Variants in IL33 observed in about 807,000 individuals in gnomAD.
The protein encoded by IL33 is interleukin 33.
Under a neutral mutation model 27.3 loss-of-function variants are expected in IL33, and 37 were observed. The observed-to-expected ratio is 1.36, with a 90% CI of 1.04 to 1.78. The LOEUF is 1.78. IL33 is among the 40% of genes most tolerant of loss of function. The pLI, the probability that IL33 is intolerant of heterozygous loss-of-function variation, is 0.00. For synonymous variants in IL33, 132 were observed against 102.9 expected, an observed-to-expected ratio of 1.28 and a Z score of -1.71; for missense variants, 406 against 311.4, an observed-to-expected ratio of 1.30 and a Z score of -2.29.
chr9:6,241,883 C>G (rs1169892294), intron 2 of IL33, 98 bp downstream of exon 2: 1 of 794,334 alleles, frequency 1.3e-6, no homozygotes, highest in Non-Finnish European at 2.0e-6. Context: ...TTATCAAAAT[C>G]TACTAAGAAT....
At chr9:6,223,474 A>G (rs1370078758) in intron 1 of IL33, among the ~76,000 whole-genome samples, 1 of 151,830 alleles carries the variant, frequency 6.6e-6, no homozygotes, top group East Asian at 1.9e-4. Context: ...TTTTTGATAT[A>G]TCATGTTTTT....
chr9:6,217,110 C>T (rs1284639193), intron 1 of IL33, among the ~76,000 whole-genome samples: 1 of 151,656 alleles, frequency 6.6e-6, no homozygotes, highest in African/African-American at 2.4e-5. Flanking sequence ...AAAAATGGTC[C>T]TCGTGTATGC....
chr9:6,257,182 GGACCTAT>G lies in IL33; in HGVS notation c.*1016_*1022del, dbSNP rs1444844335. On this transcript the variant is annotated 3_prime_UTR_variant, in exon 8 of 8. Coordinates refer to ENST00000682010, the MANE Select transcript of IL33 (RefSeq NM_033439.4). ...CATCCCTTCTGACCCTGGCTTCCAG[GGACCTAT>G]GTCTTTTAATACTCACTGTCACATT... The G allele has an allele frequency of 1.3e-5, 2 of 152,026 alleles. No homozygotes were observed. The highest frequency in any genetic ancestry group is 4.8e-5 in the African/African-American group (2 of 41,396). The allele number at this position is 152,026 out of a possible 1,614,324, so 9.4% of individuals were successfully genotyped here.
chr9:6,252,954 G>T lies in IL33; in HGVS notation c.432G>T (p.Glu144Asp), dbSNP rs746988995. 1.3e-6 allele frequency: 2 copies of T among 1,584,508 alleles called. No homozygotes were observed. Among genetic ancestry groups the T allele is most frequent in the East Asian group, 2.2e-5 (1 of 44,530 alleles). ...ITFALEDESY[E>D]IYVEDLKKDE... ...TTGCTTTGGAGGATGAAAGTTATGA[G>T]ATATATGTTGAAGACTTGAAAAAAG... Residue 144 changes from glutamate to aspartate, a missense_variant, in exon 5 of 8, where the codon GAG (glutamate) becomes GAT (aspartate). Transcript: ENST00000682010.
intron 7 of IL33, 44 bp downstream of exon 7, chr9:6,254,597 A>C (rs1816618164): frequency 8.5e-7 from 1 of 1,181,920 alleles, no homozygotes; most frequent in Non-Finnish European, 1.2e-6. Context: ...ATGATTACAG[A>C]ACTGTCATGA....
intron 1 of IL33, among the ~76,000 whole-genome samples, chr9:6,228,711 C>T (rs1289280603): frequency 3.3e-5 from 5 of 151,796 alleles, no homozygotes; most frequent in South Asian, 2.1e-4. Flanking sequence ...AAAATTTAGC[C>T]GAGTGTGGTG....
intron 2 of IL33, 109 bp from the exon 3 acceptor site, chr9:6,250,365 T>C (rs1816276401): frequency 7.9e-7 from 1 of 1,263,014 alleles, no homozygotes; most frequent in African/African-American, 1.5e-5. Context: ...GGATTTCTGA[T>C]AAGATACTGT....
upstream of IL33, among the ~76,000 whole-genome samples, chr9:6,215,229 C>A (rs777672052): frequency 6.6e-6 from 1 of 152,116 alleles, no homozygotes; most frequent in Non-Finnish European, 1.5e-5. Flanking sequence ...CTCATGGGAT[C>A]TATAGTACAG....
chr9:6,239,758 AT>A (rs1819423942), intron 1 of IL33, among the ~76,000 whole-genome samples: 1 of 152,036 alleles, frequency 6.6e-6, no homozygotes, highest in Admixed American at 6.5e-5. Flanking sequence ...CAATGCTATC[AT>A]TCCTTCTGTA....
intron 1 of IL33, among the ~76,000 whole-genome samples, chr9:6,232,166 T>A (rs898477345): frequency 3.3e-5 from 5 of 152,148 alleles, no homozygotes; most frequent in African/African-American, 1.2e-4. Context: ...ATGTAGATAA[T>A]ATGACAATGT....
rs2130484890 is a variant in IL33, at chr9:6,256,224, G to A, written c.*56G>A. ...TACCCAAATGCTACCACTGGAGAAG[G>A]AATGAGAGATAAAGAAAGAGACAGG... On this transcript the variant is annotated 3_prime_UTR_variant, in exon 8 of 8. Coordinates refer to ENST00000682010, the MANE Select transcript of IL33 (RefSeq NM_033439.4). The A allele has an allele frequency of 7.9e-7, 1 of 1,263,620 alleles. No individual in the cohort carries two copies. Among genetic ancestry groups the A allele is most frequent in the Non-Finnish European group, 1.1e-6 (1 of 870,122 alleles). 78.3% of individuals were successfully genotyped at this position (1,263,620 alleles called of 1,614,324 possible).
In IL33 at chr9:6,251,256, A is replaced by C. The variant is rs1216452560; in HGVS notation, c.334A>C (p.Ser112Arg). 1 of 1,613,348 alleles carries C rather than the reference A, an allele frequency of 6.2e-7. No individual in the cohort carries two copies. ...QKYTRALHDS[S>R]ITGISPITEY... ...ATATACTAGAGCACTTCATGATTCAAGTATCACAGGTATGACTGGTTACAG... is the reference window on the plus strand; with the variant it reads ...ATATACTAGAGCACTTCATGATTCACGTATCACAGGTATGACTGGTTACAG... The change falls in exon 4 of 8, where the codon AGT becomes CGT. Residue 112 changes from serine to arginine, a missense_variant. Physicochemically the swap from Ser to Arg is moderately radical, Grantham distance 110. Coordinates refer to ENST00000682010, the MANE Select transcript of IL33 (RefSeq NM_033439.4).
At chr9:6,231,302 C>T (rs1818916548) in intron 1 of IL33, among the ~76,000 whole-genome samples, 1 of 152,218 alleles carries the variant, frequency 6.6e-6, no homozygotes, top group African/African-American at 2.4e-5. Context: ...AACCAAGCTT[C>T]TGTCCCCTTC....
At chr9:6,223,920 T>C (rs1158926398) in intron 1 of IL33, among the ~76,000 whole-genome samples, 3 of 152,136 alleles carry the variant, frequency 2.0e-5, no homozygotes, top group South Asian at 2.1e-4. Flanking sequence ...ATGATCTCTC[T>C]TCATGGGAAA....
chr9:6,226,383 A>G (rs2130137737), intron 1 of IL33, among the ~76,000 whole-genome samples: 1 of 152,158 alleles, frequency 6.6e-6, no homozygotes, highest in East Asian at 1.9e-4. Context: ...ATCTTTCAAC[A>G]ATTCTGGAAT....
rs35375147 is a variant in IL33, at chr9:6,256,078, T to A, written c.723T>A (p.Gly241=). ...ECKTDPGVFI[G]VKDNHLALIK... The stretch of plus-strand genomic sequence containing the variant: ...AGACTGATCCTGGAGTGTTTATAGG[T>A]GTAAAGGATAATCATCTTGCTCTGA... Residue 241 remains glycine, a synonymous_variant, in exon 8 of 8, where the codon GGT becomes GGA. Transcript: ENST00000682010. 4,059 of 1,613,072 alleles carry A rather than the reference T, an allele frequency of 2.5e-3. 10 individuals carry two copies. The highest frequency in any genetic ancestry group is 3.3e-3 in the Non-Finnish European group (3,878 of 1,179,114).
intron 7 of IL33, 141 bp downstream of exon 7, chr9:6,254,694 A>C (rs7857724): frequency 0.57 from 226,555 of 395,050 alleles, 68,355 homozygotes; most frequent in Non-Finnish European, 0.64. Flanking sequence ...AAGCACAATC[A>C]CTTACTACAA....
At position 6,251,282 on chromosome 9, in the gene IL33, G is replaced by T. The variant is rs1251180061; in HGVS notation, c.343+17G>T. On this transcript the variant is annotated intron_variant, in intron 4 of 7. Coordinates refer to ENST00000682010, the MANE Select transcript of IL33 (RefSeq NM_033439.4). ...GTATCACAGGTATGACTGGTTACAG[G>T]GGTGATGTGGGAGTGAGGAGGGAGG... is the stretch of plus-strand genomic sequence containing the variant. 3 of 1,611,776 alleles carry T rather than the reference G, an allele frequency of 1.9e-6. No individual in the cohort carries two copies.
At chr9:6,248,961 A>G (rs1816174397) in intron 2 of IL33, among the ~76,000 whole-genome samples, 1 of 152,226 alleles carries the variant, frequency 6.6e-6, no homozygotes. Flanking sequence ...AACAGTCAGT[A>G]AAGTATTGTA....
Sources: allele counts gnomAD v4.1 joint callset (sites outside exome capture counted in the v4.1 genomes callset), GRCh38; gene constraint gnomAD v4.1.1; transcripts MANE v1.5; gene names NCBI Gene and HGNC (gene_info 2026-07-23, HGNC 2026-07-21).